Variants in TDP1 observed in about 807,000 individuals in gnomAD.
The protein encoded by TDP1 is tyrosyl-DNA phosphodiesterase 1.
In TDP1, 64 loss-of-function variants were observed where a neutral mutation model predicts 81.5. The ratio of observed to expected loss-of-function variants is 0.79; its 90% CI spans 0.64 to 0.97. The LOEUF (loss-of-function observed/expected upper bound fraction) is 0.97, where lower values mean the gene tolerates loss of function less well. TDP1 is among the 50% of genes least tolerant of loss of function. The pLI is 0.00. For missense variants in TDP1, 723 were observed against 743.8 expected (o/e 0.97, Z 0.33); for synonymous variants, 256 against 264.3 (o/e 0.97, Z 0.30).
At chr14:89,968,015 G>C (rs2139983588) in intron 5 of TDP1, among the ~76,000 whole-genome samples, 1 of 152,272 alleles carries the variant, frequency 6.6e-6, no homozygotes, top group Non-Finnish European at 1.5e-5. Flanking sequence ...ACAGCAAGTA[G>C]GATGGAGGAA....
At position 89,963,180 on chromosome 14, in the gene TDP1, G is replaced by C. The variant is rs769946149; in HGVS notation, c.66G>C (p.Lys22Asn). 6.2e-7 allele frequency: 1 copy of C among 1,614,134 alleles called. No individual in the cohort carries two copies. Among genetic ancestry groups the C allele is most frequent in the South Asian group, 1.1e-5 (1 of 91,088 alleles). Reference sequence around the variant, plus strand: ...GTAGTGATGAAAGTGAGGAAGAAAAGCCAAAACCAGACAAGCCATCTACCT... The same window carrying C: ...GTAGTGATGAAAGTGAGGAAGAAAACCCAAAACCAGACAAGCCATCTACCT... ...ISSSDESEEE[K>N]PKPDKPSTSS... The change falls in exon 3 of 17, where the codon AAG becomes AAC. Residue 22 changes from lysine to asparagine, a missense_variant. By Grantham distance (94) the Lys-to-Asn change is moderately conservative. Coordinates refer to ENST00000335725, the MANE Select transcript of TDP1 (RefSeq NM_018319.4).
At chr14:89,965,747 A>C in intron 3 of TDP1, 3 of 984,552 alleles carry the variant, frequency 3.0e-6, no homozygotes, top group Non-Finnish European at 3.6e-6. Flanking sequence ...CCACATTTAT[A>C]AAATCTTTCT....
rs887494359 is a variant in TDP1, at chr14:90,042,103, G to A, written c.1754-967G>A. 2.0e-5 allele frequency among the ~76,000 whole-genome samples: 3 copies of A among 152,296 alleles called. No individual in the cohort carries two copies. In the East Asian group the frequency reaches 5.8e-4, roughly 29 times the overall value. On this transcript the variant is annotated intron_variant, in intron 16 of 16. Coordinates refer to ENST00000335725, the MANE Select transcript of TDP1 (RefSeq NM_018319.4). ...TTTCCATTGTACCATACCCAGGCAT[G>A]TTGTTTTCTTCAGCATTGGTCTACA... is the stretch of plus-strand genomic sequence containing the variant.
chr14:89,993,241 C>G (rs1484110817), intron 13 of TDP1, 135 bp from the exon 14 acceptor site: 1 of 1,310,150 alleles, frequency 7.6e-7, no homozygotes, highest in African/African-American at 1.5e-5. Flanking sequence ...TTCATAAAAT[C>G]TCACAGGTCA....
chr14:90,032,989 T>A, intron 15 of TDP1, 117 bp from the exon 16 acceptor site: 1 of 1,172,416 alleles, frequency 8.5e-7, no homozygotes, highest in Non-Finnish European at 1.2e-6. Flanking sequence ...ACCTCCAAAA[T>A]AATTTGAATT....
At position 89,997,882 on chromosome 14, in the gene TDP1, A is replaced by G. The variant is rs73326487; in HGVS notation, c.1541+4399A>G. ...AGCACATAACTACTGAGCACCTACT[A>G]TGCACCACACACTTTTCTAGGTGCT... On this transcript the variant is annotated intron_variant, in intron 14 of 16. Coordinates refer to ENST00000335725, the MANE Select transcript of TDP1 (RefSeq NM_018319.4). 5.9e-3 allele frequency among the ~76,000 whole-genome samples: 900 copies of G among 152,268 alleles called. 5 individuals are homozygous for G. The highest frequency in any genetic ancestry group is 0.021 in the African/African-American group (863 of 41,526).
intron 16 of TDP1, 91 bp from the exon 17 acceptor site, chr14:90,042,979 G>C: frequency 6.2e-7 from 1 of 1,603,258 alleles, no homozygotes; most frequent in East Asian, 2.2e-5. Context: ...AGTTTAGAGA[G>C]TCAAGCACAT....
chr14:89,980,206 C>T, intron 7 of TDP1: 4 of 985,378 alleles, frequency 4.1e-6, no homozygotes, highest in Non-Finnish European at 4.8e-6. Flanking sequence ...TCTCAAACAC[C>T]AGACCAGAAG....
At chr14:89,975,581 G>GTGTTTTTTTTTTTTTTTTTTTTTTTTT (rs1289662801) in intron 6 of TDP1, 200 bp from the exon 7 acceptor site, 1 of 256,994 alleles carries the variant, frequency 3.9e-6, no homozygotes, top group African/African-American at 2.9e-5. Context: ...CAAAATTTGT[G>GTGTTTTTTTTTTTTTTTTTTTTTTTTT]TTTTTTTTTT....
chr14:90,021,493 C>T (rs937591350), intron 15 of TDP1, among the ~76,000 whole-genome samples: 8 of 152,180 alleles, frequency 5.3e-5, no homozygotes, highest in African/African-American at 1.9e-4. Flanking sequence ...CATGAAAATG[C>T]TGATCATGAA....
chr14:90,027,264 C>T (rs111261179), intron 15 of TDP1, among the ~76,000 whole-genome samples: 8,300 of 152,132 alleles, frequency 0.055, 378 homozygotes, highest in African/African-American at 0.12. Context: ...CTGGTTGTCA[C>T]CTTCTCTCTC....
chr14:89,982,060 T>C (rs1202890208), intron 8 of TDP1, among the ~76,000 whole-genome samples: 1 of 152,110 alleles, frequency 6.6e-6, no homozygotes, highest in Non-Finnish European at 1.5e-5. Flanking sequence ...GTAATCTCCC[T>C]CCCTTAAAGC....
intron 15 of TDP1, among the ~76,000 whole-genome samples, chr14:90,020,237 G>A (rs1390827163): frequency 6.6e-6 from 1 of 152,022 alleles, no homozygotes; most frequent in African/African-American, 2.4e-5. Context: ...ACCATAAGAG[G>A]CACATGGACT....
chr14:89,974,720 T>G (rs547792722), intron 6 of TDP1, among the ~76,000 whole-genome samples: 180 of 152,190 alleles, frequency 1.2e-3, no homozygotes, highest in Non-Finnish European at 2.0e-3. Flanking sequence ...GGTACCGTTT[T>G]AAAGAGGAGA....
In TDP1 at chr14:89,988,762, T is replaced by A. The variant is rs35431600; in HGVS notation, c.1132-143T>A. On this transcript the variant is annotated intron_variant, in intron 10 of 16. Coordinates refer to ENST00000335725, the MANE Select transcript of TDP1 (RefSeq NM_018319.4). ...ATTTCCCAAAGAAGAAGTATGTATG[T>A]GTGGGTATGAAATTGATCACTAGTA... The A allele has an allele frequency of 0.028, 42,729 of 1,515,170 alleles. 835 individuals are homozygous for A. Among genetic ancestry groups the A allele is most frequent in the South Asian group, 0.075 (5,914 of 78,962 alleles). The allele number at this position is 1,515,170 out of a possible 1,614,324, so 93.9% of individuals were successfully genotyped here.
Position 89,993,349 on chromosome 14 carries a change from A to G in TDP1, c.1434-27A>G, listed in dbSNP as rs769282970. 4 of 1,559,274 alleles carry G rather than the reference A, an allele frequency of 2.6e-6. No individual in the cohort carries two copies. The East Asian group carries it at 9.0e-5, about 35-fold the overall frequency. On this transcript the variant is annotated intron_variant, in intron 13 of 16. Coordinates refer to ENST00000335725, the MANE Select transcript of TDP1 (RefSeq NM_018319.4). ...TTATGATCAATTTTATTTCATAATT[A>G]GTAACTTTTGTCTTTTCTGTCACTA...
chr14:89,963,549 T>A lies in TDP1; in HGVS notation c.435T>A (p.Tyr145Ter), dbSNP rs748386829. Reference sequence around the variant, plus strand: ...GGCTCAAAGAGGAGGAAGACGAGTATGAGACATCAGGGGAGGGCCAGGACA... The same window carrying A: ...GGCTCAAAGAGGAGGAAGACGAGTAAGAGACATCAGGGGAGGGCCAGGACA... ...CHRLKEEEDEYETSGEGQDIW... is the reference protein window; with the variant it reads ...CHRLKEEEDE Residue 145 changes from tyrosine to a stop codon, truncating the protein, a stop_gained, in exon 3 of 17, where the codon TAT becomes TAA. Transcript: ENST00000335725. LOFTEE classifies it high-confidence loss of function. The A allele has an allele frequency of 6.2e-7, 1 of 1,610,934 alleles. No individual in the cohort carries two copies. Among genetic ancestry groups the A allele is most frequent in the South Asian group, 1.1e-5 (1 of 90,754 alleles).
chr14:89,975,735 A>G, intron 6 of TDP1, 46 bp from the exon 7 acceptor site: 3 of 1,511,716 alleles, frequency 2.0e-6, no homozygotes, highest in Non-Finnish European at 1.8e-6. Flanking sequence ...GTAGATATGG[A>G]TATTAGTGAG....
chr14:90,025,323 A>C (rs1047109121), intron 15 of TDP1, among the ~76,000 whole-genome samples: 9 of 152,202 alleles, frequency 5.9e-5, no homozygotes, highest in African/African-American at 2.2e-4. Flanking sequence ...ATTCATGATA[A>C]AGATGCCATT....
Sources: allele counts gnomAD v4.1 joint callset (sites outside exome capture counted in the v4.1 genomes callset), GRCh38; gene constraint gnomAD v4.1.1; transcripts MANE v1.5; gene names NCBI Gene and HGNC (gene_info 2026-07-23, HGNC 2026-07-21).